Variants in AGBL4 observed in about 807,000 individuals in gnomAD.
The protein encoded by AGBL4 is AGBL carboxypeptidase 4.
AGBL4 carries 58 observed loss-of-function variants against 66.4 expected under a neutral mutation model. The ratio of observed to expected loss-of-function variants is 0.87; its 90% CI spans 0.71 to 1.09. The LOEUF is 1.09. Among genes scored for constraint, AGBL4 ranks in the 50% least tolerant of loss-of-function variants. AGBL4 has a pLI of 0.00. For synonymous variants in AGBL4, 234 were observed against 222.9 expected, an observed-to-expected ratio of 1.05 and a Z score of -0.44; for missense variants, 579 against 631.0, an observed-to-expected ratio of 0.92 and a Z score of 0.88.
chr1:48,825,761 G>C (rs1646414341), intron 6 of AGBL4, among the ~76,000 whole-genome samples: 1 of 152,170 alleles, frequency 6.6e-6, no homozygotes, highest in Non-Finnish European at 1.5e-5. Flanking sequence ...GAAAAACTCA[G>C]AGCATCTAAG....
chr1:49,047,368 C>G (rs1219141825), intron 4 of AGBL4, among the ~76,000 whole-genome samples: 1 of 152,086 alleles, frequency 6.6e-6, no homozygotes, highest in Non-Finnish European at 1.5e-5. Context: ...ACATAAAAGT[C>G]AGAGGTAGTA....
At chr1:48,722,874 G>A (rs1302151597) in intron 6 of AGBL4, among the ~76,000 whole-genome samples, 2 of 152,200 alleles carry the variant, frequency 1.3e-5, no homozygotes, top group African/African-American at 2.4e-5. Flanking sequence ...GATGGTCACA[G>A]TTCTCAGGAT....
intron 1 of AGBL4, among the ~76,000 whole-genome samples, chr1:49,978,030 G>A (rs1313542707): frequency 6.6e-6 from 1 of 152,138 alleles, no homozygotes; most frequent in Non-Finnish European, 1.5e-5. Context: ...TTTTCAACGT[G>A]CCTGAAAATG....
In AGBL4 at chr1:49,198,886, C is replaced by T. The variant is rs371050284; in HGVS notation, c.377+46884G>A. 3.3e-5 allele frequency among the ~76,000 whole-genome samples: 5 copies of T among 152,066 alleles called. No individual in the cohort carries two copies. The East Asian group carries it at 7.7e-4, about 24-fold the overall frequency. On this transcript the variant is annotated intron_variant, in intron 4 of 13. Transcript: ENST00000371839. ...GCCCGTCTACCTATTTCTGAGGAGA[C>T]AAACAACTAATTAGAGTAAATTCCA...
intron 9 of AGBL4, among the ~76,000 whole-genome samples, chr1:48,633,507 C>A (rs1260267084): frequency 4.6e-5 from 7 of 152,188 alleles, no homozygotes; most frequent in Non-Finnish European, 1.5e-5. Flanking sequence ...ACTAGAATGT[C>A]TTCCAACAAT....
chr1:48,797,582 A>T (rs1199015112), intron 6 of AGBL4, among the ~76,000 whole-genome samples: 1 of 152,136 alleles, frequency 6.6e-6, no homozygotes, highest in African/African-American at 2.4e-5. Flanking sequence ...AGTATTCCAT[A>T]GTGCATGTAT....
At chr1:49,282,842 A>C (rs1211109446) in intron 3 of AGBL4, among the ~76,000 whole-genome samples, 2 of 152,152 alleles carry the variant, frequency 1.3e-5, no homozygotes, top group Admixed American at 6.5e-5. Flanking sequence ...CCAAGAGATT[A>C]TATCCCGCAC....
intron 5 of AGBL4, among the ~76,000 whole-genome samples, chr1:49,034,343 T>G (rs1664467959): frequency 6.6e-6 from 1 of 152,152 alleles, no homozygotes; most frequent in Non-Finnish European, 1.5e-5. Flanking sequence ...TTGTTTCACA[T>G]ACATGACTTA....
At chr1:48,984,572 T>A (rs769626997) in intron 5 of AGBL4, among the ~76,000 whole-genome samples, 47 of 149,204 alleles carry the variant, frequency 3.2e-4, no homozygotes, top group Non-Finnish European at 5.7e-4. Context: ...AGAAGGGATA[T>A]AATAGGCAGT....
chr1:48,960,042 T>A (rs1657828565), intron 5 of AGBL4, among the ~76,000 whole-genome samples: 1 of 152,072 alleles, frequency 6.6e-6, no homozygotes, highest in African/African-American at 2.4e-5. Flanking sequence ...TGAGTGTATA[T>A]GAGGAAGAGC....
At chr1:49,505,745 C>A (rs866177600) in intron 3 of AGBL4, among the ~76,000 whole-genome samples, 2 of 151,568 alleles carry the variant, frequency 1.3e-5, no homozygotes, top group Middle Eastern at 3.2e-3. Context: ...AGACTTTTTT[C>A]TTTTCTGTAT....
chr1:49,177,148 A>C (rs1381975125), intron 4 of AGBL4, among the ~76,000 whole-genome samples: 2 of 152,138 alleles, frequency 1.3e-5, no homozygotes, highest in Non-Finnish European at 2.9e-5. Flanking sequence ...CTGAGTTCCA[A>C]TTCAGACTCT....
rs1301303041 is a variant in AGBL4 at position 49,602,991 on chromosome 1, AG to A, written c.282+94321del. 2.6e-5 allele frequency among the ~76,000 whole-genome samples: 4 copies of A among 152,322 alleles called. No individual in the cohort carries two copies. The East Asian group carries it at 5.8e-4, about 22-fold the overall frequency. On this transcript the variant is annotated intron_variant, in intron 3 of 13. Transcript: ENST00000371839. ...ATTCATACAACAACCCTTTAAAAAT[AG>A]AATCATTATCCCCTTTTTATAAATT...
intron 1 of AGBL4, among the ~76,000 whole-genome samples, chr1:49,987,689 T>C (rs997643847): frequency 1.3e-5 from 2 of 152,050 alleles, no homozygotes; most frequent in African/African-American, 4.8e-5. Flanking sequence ...ATAGAAATTA[T>C]ACACTTTTAA....
intron 3 of AGBL4, among the ~76,000 whole-genome samples, chr1:49,407,934 GTCCAGCCTTTAC>G (rs1645238558): frequency 6.6e-6 from 1 of 152,184 alleles, no homozygotes; most frequent in Non-Finnish European, 1.5e-5. Flanking sequence ...AGTTGCAAAT[GTCCAGCCTTTAC>G]TGAGAAATTC....
intron 6 of AGBL4, among the ~76,000 whole-genome samples, chr1:48,762,715 C>T (rs545760299): frequency 6.6e-6 from 1 of 151,890 alleles, no homozygotes; most frequent in South Asian, 2.1e-4. Context: ...AGGCTTCTCT[C>T]CTACAACTTG....
chr1:48,916,108 C>T (rs1485674445), intron 5 of AGBL4, among the ~76,000 whole-genome samples: 3 of 152,152 alleles, frequency 2.0e-5, no homozygotes, highest in African/African-American at 4.8e-5. Flanking sequence ...GCCATATATC[C>T]TGATATCTGG....
intron 5 of AGBL4, among the ~76,000 whole-genome samples, chr1:48,875,917 T>C (rs904382717): frequency 1.3e-5 from 2 of 152,088 alleles, no homozygotes; most frequent in Non-Finnish European, 2.9e-5. Flanking sequence ...CTACGCTCCA[T>C]TAGTCGTGAC....
intron 6 of AGBL4, among the ~76,000 whole-genome samples, chr1:48,765,623 T>C (rs1186016785): frequency 6.6e-6 from 1 of 152,184 alleles, no homozygotes; most frequent in East Asian, 1.9e-4. Context: ...CAAATGTTCA[T>C]AACAGCATTA....
Sources: allele counts gnomAD v4.1 joint callset (sites outside exome capture counted in the v4.1 genomes callset), GRCh38; gene constraint gnomAD v4.1.1; transcripts MANE v1.5; gene names NCBI Gene and HGNC (gene_info 2026-07-23, HGNC 2026-07-21).